The following LEKR1 variants were observed in gnomAD, a reference collection of about 807,000 sequenced individuals.
LEKR1 encodes protein LEKR1.
Under a neutral mutation model 72.4 loss-of-function variants are expected in LEKR1, and 59 were observed. The observed-to-expected ratio is 0.82, with a 90% confidence interval of 0.66 to 1.01. The LOEUF (loss-of-function observed/expected upper bound fraction) is 1.01. Ranked by LOEUF, LEKR1 falls within the 50% of genes least tolerant of loss-of-function variation. The pLI, the probability that LEKR1 is intolerant of heterozygous loss-of-function variation, is 0.00. For synonymous variants in LEKR1, 257 were observed against 263.2 expected, an observed-to-expected ratio of 0.98 and a Z score of 0.23; for missense variants, 728 against 759.2, an observed-to-expected ratio of 0.96 and a Z score of 0.48.
At chr3:156,908,584 C>A (rs1576798390) in intron 3 of LEKR1, among the ~76,000 whole-genome samples, 1 of 152,170 alleles carries the variant, frequency 6.6e-6, no homozygotes, top group African/African-American at 2.4e-5. Context: ...TAACCTGCCT[C>A]TGTCCTCTGT....
At chr3:157,044,804 T>C (rs1735632042) in intron 12 of LEKR1, among the ~76,000 whole-genome samples, 1 of 152,252 alleles carries the variant, frequency 6.6e-6, no homozygotes, top group African/African-American at 2.4e-5. Context: ...AAGCATCATA[T>C]GAGAACTGAT....
chr3:156,958,266 T>G (rs1161090643), intron 6 of LEKR1, among the ~76,000 whole-genome samples: 1 of 152,176 alleles, frequency 6.6e-6, no homozygotes, highest in Non-Finnish European at 1.5e-5. Context: ...GTGTACTTCT[T>G]GCTTTATCCA....
intron 3 of LEKR1, among the ~76,000 whole-genome samples, chr3:156,917,503 G>C (rs894710146): frequency 1.3e-5 from 2 of 152,110 alleles, no homozygotes; most frequent in Admixed American, 1.3e-4. Flanking sequence ...TGAAGCAGGG[G>C]GAAGGGTGGG....
chr3:156,918,164 A>G, intron 3 of LEKR1, among the ~76,000 whole-genome samples: 1 of 152,318 alleles, frequency 6.6e-6, no homozygotes, highest in South Asian at 2.1e-4. Flanking sequence ...AATACTAAAT[A>G]TAATTTAATA....
intron 12 of LEKR1, among the ~76,000 whole-genome samples, chr3:157,031,481 T>A (rs958605827): frequency 1.3e-5 from 2 of 152,042 alleles, no homozygotes; most frequent in Non-Finnish European, 2.9e-5. Context: ...TAATTCGAAC[T>A]GAACTGTAAG....
chr3:157,001,130 G>A (rs1346638391), intron 9 of LEKR1, among the ~76,000 whole-genome samples: 2 of 152,174 alleles, frequency 1.3e-5, no homozygotes, highest in African/African-American at 4.8e-5. Context: ...TCTCAGGTAT[G>A]TCTTTATAGC....
intron 4 of LEKR1, chr3:156,924,544 G>A (rs77154496): frequency 0.035 from 23,502 of 671,048 alleles, 544 homozygotes; most frequent in Non-Finnish European, 0.047. Flanking sequence ...CCGGTCAGAA[G>A]GATTTTCTCC....
intron 6 of LEKR1, among the ~76,000 whole-genome samples, chr3:156,971,812 A>T (rs1456390443): frequency 6.6e-6 from 1 of 152,234 alleles, no homozygotes; most frequent in African/African-American, 2.4e-5. Flanking sequence ...CACCAGTTAG[A>T]ATGGCAATCA....
At chr3:156,908,453 T>G (rs1321058894) in intron 3 of LEKR1, among the ~76,000 whole-genome samples, 1 of 152,198 alleles carries the variant, frequency 6.6e-6, no homozygotes, top group African/African-American at 2.4e-5. Context: ...CAGTTATTTA[T>G]ATCAGTGTGG....
intron 2 of LEKR1, among the ~76,000 whole-genome samples, chr3:156,839,964 C>T (rs1413134826): frequency 6.6e-6 from 1 of 152,184 alleles, no homozygotes; most frequent in Non-Finnish European, 1.5e-5. Context: ...CTTTCTCCAC[C>T]TGTGTCATCC....
At chr3:156,920,465 A>T in intron 3 of LEKR1, 110 bp from the exon 4 acceptor site, 1 of 673,784 alleles carries the variant, frequency 1.5e-6, no homozygotes, top group Middle Eastern at 3.8e-4. Context: ...TATATAAGAG[A>T]CATAGTTTCT....
At chr3:156,905,676 C>G (rs6802042) in intron 3 of LEKR1, among the ~76,000 whole-genome samples, 6 of 151,956 alleles carry the variant, frequency 3.9e-5, no homozygotes, top group Non-Finnish European at 8.8e-5. Flanking sequence ...GTATTAAATA[C>G]TAAATGATTT....
intron 7 of LEKR1, among the ~76,000 whole-genome samples, chr3:156,980,773 C>T (rs533389971): frequency 6.6e-6 from 1 of 152,218 alleles, no homozygotes; most frequent in South Asian, 2.1e-4. Context: ...CATACCAAGA[C>T]TTAGCATATA....
At chr3:156,900,033 AT>A (rs765698434) in intron 3 of LEKR1, among the ~76,000 whole-genome samples, 77 of 152,132 alleles carry the variant, frequency 5.1e-4, no homozygotes, top group Non-Finnish European at 9.0e-4. Context: ...CAGCTAGCAA[AT>A]TTTTGAATTA....
intron 6 of LEKR1, among the ~76,000 whole-genome samples, chr3:156,969,923 C>A (rs1438271204): frequency 2.0e-5 from 3 of 152,182 alleles, no homozygotes; most frequent in Admixed American, 2.0e-4. Flanking sequence ...GCATATCCAC[C>A]ATGATCAAGT....
intron 10 of LEKR1, among the ~76,000 whole-genome samples, chr3:157,013,224 AG>A (rs1353572682): frequency 1.3e-5 from 2 of 152,142 alleles, no homozygotes; most frequent in African/African-American, 4.8e-5. Context: ...TCCTTCTCTT[AG>A]TATGATGGAG....
At chr3:156,890,014 ATT>A (rs996859762) in intron 3 of LEKR1, among the ~76,000 whole-genome samples, 13 of 152,208 alleles carry the variant, frequency 8.5e-5, no homozygotes, top group African/African-American at 2.9e-4. Flanking sequence ...CTGCCTCTCC[ATT>A]TCCTCATCTG....
At chr3:157,027,875 T>C (rs371312866) in intron 11 of LEKR1, among the ~76,000 whole-genome samples, 1 of 152,160 alleles carries the variant, frequency 6.6e-6, no homozygotes, top group East Asian at 1.9e-4. Context: ...CAGAAATTTA[T>C]ATATTTCCAA....
At chr3:157,030,677 G>A (rs989916334) in intron 12 of LEKR1, among the ~76,000 whole-genome samples, 3 of 152,150 alleles carry the variant, frequency 2.0e-5, no homozygotes, top group African/African-American at 7.2e-5. Context: ...TCTGAGCATG[G>A]CTTAGCTGAG....
Sources: gnomAD v4.1 joint callset for allele counts (sites outside exome capture counted in the v4.1 genomes callset) on GRCh38, gnomAD v4.1.1 for gene constraint, MANE v1.5 for transcripts, NCBI Gene and HGNC (gene_info 2026-07-23, HGNC 2026-07-21) for gene names.